ZNF469: variants seen among roughly 807,000 people sequenced by gnomAD.
The protein encoded by ZNF469 is zinc finger protein 469.
In ZNF469, 1 loss-of-function variant was observed where a neutral mutation model predicts 1.0. The ratio of observed to expected loss-of-function variants is 1.00; its 90% confidence interval spans 0.35 to 4.73. ZNF469 has a LOEUF of 4.73. ZNF469 is among the 30% of genes most tolerant of loss of function. The pLI is 0.16. For synonymous variants in ZNF469, 2,703 were observed against 2,363.4 expected (o/e 1.14, Z -4.17); for missense variants, 6,100 against 5,356.3 (o/e 1.14, Z -4.33).
intron 1 of ZNF469, among the ~76,000 whole-genome samples, chr16:88,395,800 C>A (rs1044118686): frequency 4.6e-5 from 7 of 152,188 alleles, no homozygotes; most frequent in African/African-American, 1.2e-4. Flanking sequence ...TGCCACCATG[C>A]GGGGTGCACA....
At chr16:88,109,626 C>T in the ZNF469 span, among the ~76,000 whole-genome samples, 230 of 144,256 alleles carry the variant, frequency 1.6e-3, 2 homozygotes, top group African/African-American at 5.8e-3. Context: ...GTCTCCTCTC[C>T]AGGATCAGGA....
chr16:88,112,770 A>T, the ZNF469 span, among the ~76,000 whole-genome samples: 1 of 104,412 alleles, frequency 9.6e-6, no homozygotes, highest in African/African-American at 3.7e-5. Context: ...GCTGTGCAGA[A>T]GCTTTTTTTT....
the ZNF469 span, among the ~76,000 whole-genome samples, chr16:88,349,686 C>G: frequency 1.2e-5 from 1 of 85,682 alleles, no homozygotes; most frequent in Non-Finnish European, 2.6e-5. Context: ...TGCACACACA[C>G]CAAGCACAAT....
chr16:88,262,151 A>G, the ZNF469 span, among the ~76,000 whole-genome samples: 13 of 152,180 alleles, frequency 8.5e-5, no homozygotes, highest in Non-Finnish European at 1.9e-4. This position sits in a 1 kb window ranked among gnomAD's most constrained non-coding sequence, Gnocchi z 4.3. Context: ...TCCACTCAGC[A>G]TTAGTGAAGG....
At chr16:88,114,068 C>A in the ZNF469 span, among the ~76,000 whole-genome samples, 2 of 152,104 alleles carry the variant, frequency 1.3e-5, no homozygotes, top group East Asian at 3.9e-4. Flanking sequence ...TGTCCCCCAC[C>A]CCCAGCTTCA....
chr16:88,429,094 G>A lies in ZNF469; in HGVS notation c.1624G>A (p.Gly542Ser). 5.2e-6 allele frequency: 8 copies of A among 1,549,990 alleles called. No individual in the cohort carries two copies. Among genetic ancestry groups the A allele is most frequent in the Non-Finnish European group, 7.0e-6 (8 of 1,146,870 alleles). ...GCTGCCAGCCGTGAGAAGCAGCCAG[G>A]GCGGCTCCCCAGCACTGTTCACCTA... is the stretch of plus-strand genomic sequence containing the variant. Reference protein sequence around the residue: ...EKLPAVRSSQGGSPALFTYNG... With the variant: ...EKLPAVRSSQSGSPALFTYNG... Residue 542 changes from glycine (G) to serine (S), a missense_variant, in exon 3 of 3, where the codon GGC (glycine) becomes AGC (serine). Coordinates refer to ENST00000565624, the MANE Select transcript of ZNF469 (RefSeq NM_001367624.2).
rs199897247 is a variant in ZNF469 at position 88,431,891 on chromosome 16, C to T, written c.4421C>T (p.Ala1474Val). Reference protein sequence around the residue: ...FDPPLYGSLSANRDSGLPFAC... With the variant: ...FDPPLYGSLSVNRDSGLPFAC... ...CCACCCCTCTATGGCAGCCTGTCTG[C>T]GAACAGGGACTCCGGTCTGCCGTTC... is the stretch of plus-strand genomic sequence containing the variant. Residue 1474 changes from alanine (A) to valine (V), a missense_variant, in exon 3 of 3, where the codon GCG (alanine) becomes GTG (valine). Physicochemically the swap from Ala to Val is moderately conservative, Grantham distance 64. Transcript: ENST00000565624. The T allele has an allele frequency of 7.9e-3, 12,306 of 1,549,796 alleles. 100 individuals are homozygous for T. The highest frequency in any genetic ancestry group is 0.032 in the Middle Eastern group (190 of 5,992).
the ZNF469 span, among the ~76,000 whole-genome samples, chr16:88,215,593 C>T: frequency 6.6e-6 from 1 of 151,696 alleles, no homozygotes; most frequent in African/African-American, 2.4e-5. Context: ...TTTCACCATG[C>T]TGGCCAGTCT....
At chr16:88,143,584 G>T in the ZNF469 span, among the ~76,000 whole-genome samples, 2 of 152,184 alleles carry the variant, frequency 1.3e-5, no homozygotes, top group African/African-American at 4.8e-5. Flanking sequence ...AGCAGGAGAA[G>T]AAAGCCAGGA....
the ZNF469 span, among the ~76,000 whole-genome samples, chr16:88,330,595 A>T: frequency 6.6e-6 from 1 of 152,328 alleles, no homozygotes; most frequent in South Asian, 2.1e-4. Context: ...CAGAGGGACT[A>T]AGAAAGAAGC....
chr16:88,221,577 G>A, the ZNF469 span, among the ~76,000 whole-genome samples: 132 of 152,342 alleles, frequency 8.7e-4, no homozygotes, highest in South Asian at 5.0e-3. Flanking sequence ...CCCCGGCTGC[G>A]GGCCAGCGTC....
the ZNF469 span, among the ~76,000 whole-genome samples, chr16:88,371,954 CCACCATCATCACCATCACCACCATCAT>C: frequency 3.2e-5 from 4 of 124,702 alleles, no homozygotes; most frequent in Middle Eastern, 0.014. Flanking sequence ...ATCACCATCA[CCACCATCATCACCATCACCACCATCAT>C]CACCATCACC....
chr16:88,150,130 A>G, the ZNF469 span, among the ~76,000 whole-genome samples: 1 of 152,188 alleles, frequency 6.6e-6, no homozygotes, highest in African/African-American at 2.4e-5. Flanking sequence ...CAACATGGTG[A>G]AACCCCGTCT....
At chr16:88,301,406 G>A in the ZNF469 span, among the ~76,000 whole-genome samples, 1,067 of 152,184 alleles carry the variant, frequency 7.0e-3, 14 homozygotes, top group African/African-American at 0.024. Context: ...CACCAGCCTC[G>A]GCCTCCCAAA....
chr16:88,344,312 G>T, the ZNF469 span, among the ~76,000 whole-genome samples: 1 of 152,216 alleles, frequency 6.6e-6, no homozygotes, highest in Non-Finnish European at 1.5e-5. Flanking sequence ...ACGTGTCGAT[G>T]CTGGTTCCTT....
At chr16:88,220,182 G>C in the ZNF469 span, among the ~76,000 whole-genome samples, 1 of 152,110 alleles carries the variant, frequency 6.6e-6, no homozygotes, top group Non-Finnish European at 1.5e-5. Flanking sequence ...CTGAAACAGA[G>C]GGCACTGCAT....
the ZNF469 span, among the ~76,000 whole-genome samples, chr16:88,284,118 C>T: frequency 7.2e-6 from 1 of 138,880 alleles, no homozygotes. Context: ...TGCCTGAGGT[C>T]TGTGGAGGCT....
At chr16:88,327,819 G>A in the ZNF469 span, among the ~76,000 whole-genome samples, 30 of 152,340 alleles carry the variant, frequency 2.0e-4, no homozygotes, top group Non-Finnish European at 3.4e-4. Flanking sequence ...GACTAGGCCC[G>A]GCTGCTTGAG....
At chr16:88,151,293 C>T in the ZNF469 span, among the ~76,000 whole-genome samples, 3 of 152,234 alleles carry the variant, frequency 2.0e-5, no homozygotes, top group African/African-American at 4.8e-5. This position sits in a 1 kb window ranked among gnomAD's most constrained non-coding sequence, Gnocchi z 5.4. Flanking sequence ...GGGCGCGGGC[C>T]GTGGTCAGCC....
Sources: allele counts gnomAD v4.1 joint callset (sites outside exome capture counted in the v4.1 genomes callset), GRCh38; gene constraint gnomAD v4.1.1; non-coding constraint Gnocchi (gnomAD v3.1); transcripts MANE v1.5; gene names NCBI Gene and HGNC (gene_info 2026-07-23, HGNC 2026-07-21).